MYLK: variants seen among roughly 807,000 people sequenced by gnomAD.
MYLK encodes the protein myosin light chain kinase.
In MYLK, 106 loss-of-function variants were observed where a neutral mutation model predicts 203.4. That is an observed-to-expected ratio of 0.52 (90% CI 0.45 to 0.61). The LOEUF (loss-of-function observed/expected upper bound fraction) is 0.61. Among genes scored for constraint, MYLK ranks in the 20% least tolerant of loss-of-function variants. The probability of loss-of-function intolerance (pLI) is 0.00; values close to 1 mark genes in which losing one functional copy is unlikely to be tolerated. For synonymous variants in MYLK, 867 were observed against 959.5 expected (o/e 0.90, Z 1.78); for missense variants, 2,072 against 2,442.3 (o/e 0.85, Z 3.20).
rs1438621806 is a variant in MYLK, at chr3:123,618,621, A to T, written c.5500+18T>A. ...CCACACCCTATTCATGGTGAAGAGAAGCACAGCTACAACTTACCTTCAATC... is the reference window on the plus strand; with the variant it reads ...CCACACCCTATTCATGGTGAAGAGATGCACAGCTACAACTTACCTTCAATC... On this transcript the variant is annotated intron_variant, in intron 33 of 33. Coordinates refer to ENST00000360304, the MANE Select transcript of MYLK (RefSeq NM_053025.4). 6.2e-6 allele frequency: 10 copies of T among 1,613,666 alleles called. No individual in the cohort carries two copies. The highest frequency in any genetic ancestry group is 8.5e-6 in the Non-Finnish European group (10 of 1,179,790).
chr3:123,739,017 C>A lies in MYLK; in HGVS notation c.468G>T (p.Trp156Cys). The A allele has an allele frequency of 1.2e-6, 2 of 1,613,906 alleles. No homozygotes were observed. The highest frequency in any genetic ancestry group is 1.7e-6 in the Non-Finnish European group (2 of 1,179,974). Residue 156 changes from tryptophan (W) to cysteine (C), a missense_variant, in exon 7 of 34, where the codon TGG becomes TGT. Transcript: ENST00000360304. ...APAVETRPSI[W>C]GECPPKFATK... is the part of the protein sequence containing the mutation. The stretch of plus-strand genomic sequence containing the variant: ...TAGCAAACTTTGGTGGGCACTCCCC[C>A]CAGATGCTAGGACGGGTCTCCACTG...
In MYLK at chr3:123,640,325, C is replaced by T; in HGVS notation, c.4799G>A (p.Arg1600Lys). ...NIMCVNKTGT[R>K]IKLIDFGLAR... ...CAGACCAAAGTCGATGAGCTTGATCCTGGTGCCCGTCTTGTTGACACACAT... is the reference window on the plus strand; with the variant it reads ...CAGACCAAAGTCGATGAGCTTGATCTTGGTGCCCGTCTTGTTGACACACAT... The change falls in exon 28 of 34, where the codon AGG becomes AAG. Residue 1600 changes from arginine to lysine, a missense_variant. Physicochemically the swap from Arg to Lys is conservative, Grantham distance 26. This residue lies in a region of MYLK where 524 missense variants were observed against 782.4 expected (regional missense o/e 0.67). Transcript: ENST00000360304. This position sits in a 1 kb window ranked among gnomAD's most constrained non-coding sequence, Gnocchi z 4.3. 1 of 1,614,018 alleles carries T rather than the reference C, an allele frequency of 6.2e-7. No individual in the cohort carries two copies. Among genetic ancestry groups the T allele is most frequent in the Non-Finnish European group, 8.5e-7 (1 of 1,180,004 alleles).
rs1336925556 is a variant in MYLK at position 123,701,039 on chromosome 3, G to A, written c.2463-34C>T. ...AGTGTAGGGAAAAAGGAAAGTAGCA[G>A]GAGGAAAAGGGGCTGGGTAAGAAAG... On this transcript the variant is annotated intron_variant, in intron 17 of 33. Transcript: ENST00000360304. 1.2e-5 allele frequency: 19 copies of A among 1,598,366 alleles called. 1 individual carries two copies. The Admixed American group carries it at 3.0e-4, about 25-fold the overall frequency.
chr3:123,784,403 T>C (rs13091055), intron 4 of MYLK, among the ~76,000 whole-genome samples: 7 of 147,774 alleles, frequency 4.7e-5, no homozygotes, highest in African/African-American at 1.8e-4. Context: ...TTTTTTTTTT[T>C]ACCTCTGTCA....
chr3:123,826,373 T>C (rs2066118591), intron 3 of MYLK, among the ~76,000 whole-genome samples: 1 of 152,192 alleles, frequency 6.6e-6, no homozygotes, highest in South Asian at 2.1e-4. Flanking sequence ...TGAGCAGCTA[T>C]AAGCCCATGT....
intron 20 of MYLK, among the ~76,000 whole-genome samples, chr3:123,669,288 G>A (rs886388646): frequency 2.0e-5 from 3 of 152,168 alleles, no homozygotes; most frequent in Non-Finnish European, 4.4e-5. Flanking sequence ...AGTTACTCAG[G>A]GCCTACTGTG....
At chr3:123,646,480 G>A (rs2059024279) in intron 27 of MYLK, among the ~76,000 whole-genome samples, 1 of 152,178 alleles carries the variant, frequency 6.6e-6, no homozygotes, top group Non-Finnish European at 1.5e-5. Flanking sequence ...GGGGATGCCT[G>A]GCTTGCTGAT....
At chr3:123,743,671 T>G (rs1254296856) in intron 5 of MYLK, among the ~76,000 whole-genome samples, 1 of 152,130 alleles carries the variant, frequency 6.6e-6, no homozygotes, top group East Asian at 1.9e-4. Flanking sequence ...TATTTGATCT[T>G]AGATTTTTCA....
intron 11 of MYLK, among the ~76,000 whole-genome samples, chr3:123,729,636 C>T (rs1560140864): frequency 6.6e-6 from 1 of 152,130 alleles, no homozygotes; most frequent in Non-Finnish European, 1.5e-5. Context: ...AAACCCAGCA[C>T]TTTAGGAGGC....
intron 3 of MYLK, among the ~76,000 whole-genome samples, chr3:123,827,115 T>G (rs2066146075): frequency 6.6e-6 from 1 of 152,100 alleles, no homozygotes; most frequent in Non-Finnish European, 1.5e-5. Context: ...GAAATAATAA[T>G]CTTAAGGAAA....
At chr3:123,715,783 T>C (rs1197105743) in intron 13 of MYLK, 3 of 152,190 alleles carry the variant, frequency 2.0e-5, no homozygotes, top group Admixed American at 6.5e-5. Context: ...CCCTTCCTTT[T>C]CTTTCCGTTG....
intron 2 of MYLK, among the ~76,000 whole-genome samples, chr3:123,873,163 A>G (rs566808872): frequency 6.6e-6 from 1 of 152,222 alleles, no homozygotes. Context: ...CCTTTGTGAA[A>G]AAGTTTGCCA....
At chr3:123,862,561 CT>C (rs2032011703) in intron 2 of MYLK, among the ~76,000 whole-genome samples, 1 of 152,142 alleles carries the variant, frequency 6.6e-6, no homozygotes, top group African/African-American at 2.4e-5. Context: ...AAACATGATG[CT>C]TGCTGACTTT....
chr3:123,761,254 T>C (rs2063524601), intron 4 of MYLK, among the ~76,000 whole-genome samples: 1 of 152,166 alleles, frequency 6.6e-6, no homozygotes, highest in Admixed American at 6.5e-5. Context: ...AAAGCAAGGG[T>C]GGGCAAAAGT....
chr3:123,848,658 T>C (rs750068251), intron 2 of MYLK, among the ~76,000 whole-genome samples: 1 of 152,214 alleles, frequency 6.6e-6, no homozygotes, highest in Non-Finnish European at 1.5e-5. Flanking sequence ...ACTTGGCACA[T>C]GCCTTTTTCA....
intron 4 of MYLK, among the ~76,000 whole-genome samples, chr3:123,764,581 C>G (rs2063642634): frequency 6.6e-6 from 1 of 152,210 alleles, no homozygotes; most frequent in African/African-American, 2.4e-5. Flanking sequence ...TGCTGACTTT[C>G]ACTCGGCCCC....
chr3:123,708,089 G>A lies in MYLK; in HGVS notation c.2141-86C>T, dbSNP rs2061533265. ...AATTCTCCATGGAGGTGAAGGATGG[G>A]AAGATAGCATGTCACCCAAGTAACA... On this transcript the variant is annotated intron_variant, in intron 15 of 33. Coordinates refer to ENST00000360304, the MANE Select transcript of MYLK (RefSeq NM_053025.4). The A allele has an allele frequency of 4.5e-6, 7 of 1,569,764 alleles. 1 individual carries two copies. The South Asian group carries it at 5.8e-5, about 13-fold the overall frequency.
intron 13 of MYLK, among the ~76,000 whole-genome samples, chr3:123,711,346 A>G (rs1416668554): frequency 6.6e-6 from 1 of 152,222 alleles, no homozygotes; most frequent in Non-Finnish European, 1.5e-5. Flanking sequence ...AAGTCTCCAT[A>G]GTTTATTGTA....
intron 5 of MYLK, 76 bp from the exon 6 acceptor site, chr3:123,740,077 G>C: frequency 7.0e-7 from 1 of 1,422,070 alleles, no homozygotes. Flanking sequence ...TTCAACAGCA[G>C]GGGTGGGTGG....
Sources: gnomAD v4.1 joint callset for allele counts (sites outside exome capture counted in the v4.1 genomes callset) on GRCh38, gnomAD v4.1.1 for gene constraint, gnomAD v4.1.1 regional missense constraint, Gnocchi (gnomAD v3.1) non-coding constraint, MANE v1.5 for transcripts, NCBI Gene and HGNC (gene_info 2026-07-23, HGNC 2026-07-21) for gene names.